Variants in FBRS observed in about 807,000 individuals in gnomAD.
FBRS encodes the protein probable fibrosin-1.
FBRS carries 15 observed loss-of-function variants against 86.1 expected under a neutral mutation model. That is an observed-to-expected ratio of 0.17 (90% CI 0.12 to 0.27). The LOEUF is 0.27. Among genes scored for constraint, FBRS ranks in the 10% least tolerant of loss-of-function variants. The pLI is 1.00. For synonymous variants in FBRS, 666 were observed against 575.8 expected (o/e 1.16, Z -2.24); for missense variants, 1,367 against 1,301.6 (o/e 1.05, Z -0.77).
Position 30,659,726 on chromosome 16 carries a change from G to C in FBRS, c.208G>C (p.Ala70Pro), listed in dbSNP as rs1165261455. Residue 70 changes from alanine to proline, a missense_variant, in exon 1 of 18, where the codon GCT becomes CCT. Ala to Pro is a conservative substitution (Grantham distance 27). Coordinates refer to ENST00000356166, the MANE Select transcript of FBRS (RefSeq NM_001105079.3). Reference protein sequence around the residue: ...PPPPARPWSSASSGERPGGPR... With the variant: ...PPPPARPWSSPSSGERPGGPR... ...GCCGCCCGCCAGGCCTTGGTCGTCA[G>C]CTTCGTCTGGAGAGCGGCCTGGGGG... The C allele has an allele frequency of 4.1e-6, 5 of 1,233,052 alleles. No individual in the cohort carries two copies. Among genetic ancestry groups the C allele is most frequent in the South Asian group, 1.4e-5 (1 of 73,846 alleles). 76.4% of individuals were successfully genotyped at this position (1,233,052 alleles called of 1,614,324 possible).
At position 30,667,383 on chromosome 16, in the gene FBRS, G is replaced by A. The variant is rs748925396; in HGVS notation, c.1939G>A (p.Ala647Thr). The change falls in exon 14 of 18, where the codon GCC (alanine) becomes ACC (threonine). Residue 647 changes from alanine (A) to threonine (T), a missense_variant. Physicochemically the swap from Ala to Thr is moderately conservative, Grantham distance 58 (BLOSUM62 0). Transcript: ENST00000356166. ...LLPCLPGPYG[A>T]LPPGQELSHP... ...GCCCTGCCTTCCGGGGCCCTATGGG[G>A]CCCTGCCCCCTGGGCAGGAGCTCTC... 8 of 1,552,848 alleles carry A rather than the reference G, an allele frequency of 5.2e-6. No homozygotes were observed. The East Asian group carries it at 1.7e-4, about 33-fold the overall frequency.
Position 30,666,984 on chromosome 16 carries a change from A to G in FBRS, c.1869A>G (p.Lys623=), listed in dbSNP as rs1341206932. The change falls in exon 13 of 18, where the codon AAA becomes AAG. Residue 623 remains lysine, a synonymous_variant. Transcript: ENST00000356166. ...ACATGATCCTGAGACACCAGGAGAAAATGAAGGTACTGGGGCCGGAGGGCT... is the reference window on the plus strand; with the variant it reads ...ACATGATCCTGAGACACCAGGAGAAGATGAAGGTACTGGGGCCGGAGGGCT... ...VAYMILRHQE[K]MKGDSHKLDF... 1.2e-6 allele frequency: 2 copies of G among 1,609,244 alleles called. No homozygotes were observed. The highest frequency in any genetic ancestry group is 2.2e-5 in the East Asian group (1 of 44,766).
intron 6 of FBRS, 143 bp downstream of exon 6, chr16:30,663,002 C>CT: frequency 7.7e-7 from 1 of 1,293,484 alleles, no homozygotes; most frequent in East Asian, 3.0e-5. Context: ...AAAGAGATGA[C>CT]TGCAGGACTT....
Position 30,665,453 on chromosome 16 carries a change from A to C in FBRS, c.1704+52A>C. 6.6e-7 allele frequency: 1 copy of C among 1,510,678 alleles called. No homozygotes were observed. The highest frequency in any genetic ancestry group is 9.0e-7 in the Non-Finnish European group (1 of 1,110,010). 93.6% of individuals were successfully genotyped at this position (1,510,678 alleles called of 1,614,324 possible). ...CCGCCTACCATCTTGACAAACCCAGACACGCCGGGTCCAAGCACCCTTCTC... is the reference window on the plus strand; with the variant it reads ...CCGCCTACCATCTTGACAAACCCAGCCACGCCGGGTCCAAGCACCCTTCTC... On this transcript the variant is annotated intron_variant, in intron 10 of 17. Coordinates refer to ENST00000356166, the MANE Select transcript of FBRS (RefSeq NM_001105079.3). This position sits in a 1 kb window ranked among gnomAD's most constrained non-coding sequence, Gnocchi z 4.1.
Position 30,660,336 on chromosome 16 carries a change from G to A in FBRS, c.533G>A (p.Gly178Asp). The A allele has an allele frequency of 2.3e-6, 3 of 1,300,464 alleles. No individual in the cohort carries two copies. Among genetic ancestry groups the A allele is most frequent in the Non-Finnish European group, 3.0e-6 (3 of 1,015,226 alleles). The allele number at this position is 1,300,464 out of a possible 1,614,324, so 80.6% of individuals were successfully genotyped here. Residue 178 changes from glycine to aspartate, a missense_variant, in exon 2 of 18, where the codon GGC (glycine) becomes GAC (aspartate). By Grantham distance (94) the Gly-to-Asp change is moderately conservative. This residue lies in a region of FBRS where 702 missense variants were observed against 598.7 expected (regional missense o/e 1.17). Coordinates refer to ENST00000356166, the MANE Select transcript of FBRS (RefSeq NM_001105079.3). ...LKHSGKRKRG[G>D]SSGATGEPGD... The stretch of plus-strand genomic sequence containing the variant: ...CATTCTGGGAAGCGGAAAAGGGGGG[G>A]CTCCAGTGGGGCCACCGGGGAGCCA...
chr16:30,664,790 G>C lies in FBRS; in HGVS notation c.1433G>C (p.Gly478Ala). 13 of 1,553,954 alleles carry C rather than the reference G, an allele frequency of 8.4e-6. No individual in the cohort carries two copies. Among genetic ancestry groups the C allele is most frequent in the Non-Finnish European group, 1.1e-5 (13 of 1,148,346 alleles). ...AQGGPEVVGA[G>A]GSARPLAFQF... ...GGTGGCCCTGAGGTGGTGGGGGCAG[G>C]GGGCTCGGCCCGGCCCCTGGCCTTC... Residue 478 changes from glycine to alanine, a missense_variant, in exon 8 of 18, where the codon GGG (glycine) becomes GCG (alanine). Around this residue, in one of 3 missense-constraint regions of FBRS, gnomAD observed 702 missense variants for 598.7 expected, o/e 1.17. Coordinates refer to ENST00000356166, the MANE Select transcript of FBRS (RefSeq NM_001105079.3).
At chr16:30,664,149 C>G in intron 6 of FBRS, 66 bp from the exon 7 acceptor site, 1 of 1,305,890 alleles carries the variant, frequency 7.7e-7, no homozygotes, top group African/African-American at 1.5e-5. Context: ...ACCCAGGCTT[C>G]TGACCCCCTC....
In FBRS at chr16:30,659,798, C is replaced by G. The variant is rs1333274990; in HGVS notation, c.280C>G (p.Arg94Gly). The change falls in exon 1 of 18, where the codon CGA becomes GGA. Residue 94 changes from arginine to glycine, a missense_variant. Transcript: ENST00000356166. ...TCCGAGACCTCGACCCCCGCGACCC[C>G]GAGCTCGGAAGCGGCCTGCCGGCTC... ...PRPRPRPPRPRARKRPAGSGS... is the reference protein window; with the variant it reads ...PRPRPRPPRPGARKRPAGSGS... 17 of 1,504,898 alleles carry G rather than the reference C, an allele frequency of 1.1e-5. No homozygotes were observed. The highest frequency in any genetic ancestry group is 1.4e-5 in the Non-Finnish European group (16 of 1,131,860). The allele number at this position is 1,504,898 out of a possible 1,614,324, so 93.2% of individuals were successfully genotyped here. A position where few individuals can be genotyped will look rare whatever the true frequency, so the allele number is the denominator to read the frequency against.
Position 30,659,881 on chromosome 16 carries a change from C to T in FBRS, c.363C>T (p.Gly121=), listed in dbSNP as rs1457051500. ...AGGAGGAGGGGGGCGCAGACGACGG[C>T]GAAGCCGAGGAGGAGCCTGAGGAGG... ...EEEEEGGADD[G]EAEEEPEEEE... The change falls in exon 1 of 18, where the codon GGC becomes GGT. Residue 121 remains glycine (G), a synonymous_variant. Transcript: ENST00000356166. 5.8e-6 allele frequency: 9 copies of T among 1,546,160 alleles called. No homozygotes were observed. Among genetic ancestry groups the T allele is most frequent in the East Asian group, 2.5e-5 (1 of 40,708 alleles).
At chr16:30,667,106 T>G in intron 13 of FBRS, 116 bp downstream of exon 13, 1 of 1,129,870 alleles carries the variant, frequency 8.9e-7, no homozygotes. Flanking sequence ...TTCTCTCCTG[T>G]CCCCCATCAC....
At chr16:30,660,151 T>C (rs2052439144) in intron 1 of FBRS, 112 bp from the exon 2 acceptor site, 1 of 1,412,946 alleles carries the variant, frequency 7.1e-7, no homozygotes, top group Non-Finnish European at 9.3e-7. Flanking sequence ...AGAGCTCGTC[T>C]CTGGGGACCC....
rs1029859555 is a variant in FBRS, at chr16:30,665,313, C to T, written c.1616C>T (p.Thr539Met). 27 of 1,561,736 alleles carry T rather than the reference C, an allele frequency of 1.7e-5. No individual in the cohort carries two copies. Among genetic ancestry groups the T allele is most frequent in the Admixed American group, 3.8e-5 (2 of 51,974 alleles). Residue 539 changes from threonine to methionine, a missense_variant, in exon 10 of 18, where the codon ACG (threonine) becomes ATG (methionine). Coordinates refer to ENST00000356166, the MANE Select transcript of FBRS (RefSeq NM_001105079.3). The surrounding 1 kb of genome is among the most constrained non-coding windows in gnomAD (Gnocchi z 4.1). ...MEGLFRHNPY[T>M]AFPPAVPGLP... The stretch of plus-strand genomic sequence containing the variant: ...TCCCCCTTCTCTCCACAGCCGTACA[C>T]GGCCTTCCCTCCCGCAGTGCCCGGG...
chr16:30,665,474 T>C lies in FBRS; in HGVS notation c.1704+73T>C. ...CCAGACACGCCGGGTCCAAGCACCC[T>C]TCTCCCATTCCCCAAAGTCGTGCCC... On this transcript the variant is annotated intron_variant, in intron 10 of 17. Coordinates refer to ENST00000356166, the MANE Select transcript of FBRS (RefSeq NM_001105079.3). This position sits in a 1 kb window ranked among gnomAD's most constrained non-coding sequence, Gnocchi z 4.1. 1 of 1,465,478 alleles carries C rather than the reference T, an allele frequency of 6.8e-7. No individual in the cohort carries two copies. Among genetic ancestry groups the C allele is most frequent in the African/African-American group, 1.4e-5 (1 of 71,378 alleles). The allele number at this position is 1,465,478 out of a possible 1,614,324, so 90.8% of individuals were successfully genotyped here. A position where few individuals can be genotyped will look rare whatever the true frequency, so the allele number is the denominator to read the frequency against.
rs1479875889 is a variant in FBRS at position 30,664,886 on chromosome 16, C to T, written c.1529C>T (p.Pro510Leu). The change falls in exon 8 of 18, where the codon CCC becomes CTC. Residue 510 changes from proline (P) to leucine (L), a missense_variant. This residue lies in a region of FBRS where 659 missense variants were observed against 678.8 expected (regional missense o/e 0.97). Coordinates refer to ENST00000356166, the MANE Select transcript of FBRS (RefSeq NM_001105079.3). The stretch of plus-strand genomic sequence containing the variant: ...ACCCACCAGCACTTCACCCCTTATC[C>T]CCCGGGCCTGCTGCCACCCCACGGC... ...QHTHQHFTPY[P>L]PGLLPPHGPH... is the part of the protein sequence containing the mutation. 1 of 1,609,574 alleles carries T rather than the reference C, an allele frequency of 6.2e-7. No individual in the cohort carries two copies. Among genetic ancestry groups the T allele is most frequent in the South Asian group, 1.1e-5 (1 of 90,270 alleles).
Position 30,664,399 on chromosome 16 carries a change from C to A in FBRS, c.1240C>A (p.Pro414Thr). The A allele has an allele frequency of 1.2e-6, 1 of 813,418 alleles. No homozygotes were observed. Among genetic ancestry groups the A allele is most frequent in the Non-Finnish European group, 1.9e-6 (1 of 536,052 alleles). 50.4% of individuals were successfully genotyped at this position (813,418 alleles called of 1,614,324 possible). Residue 414 changes from proline to threonine, a missense_variant, in exon 7 of 18, where the codon CCC (proline) becomes ACC (threonine). This residue lies in a region of FBRS where 702 missense variants were observed against 598.7 expected (regional missense o/e 1.17). Transcript: ENST00000356166. ...CAGCTTTCCCCCTCCCGGGCTGCGGCCCCCCCCACCACCCCACCACCCCTC... is the reference window on the plus strand; with the variant it reads ...CAGCTTTCCCCCTCCCGGGCTGCGGACCCCCCCACCACCCCACCACCCCTC... ...THSFPPPGLR[P>T]PPPPHHPSLF...
rs1596614266 is a variant in FBRS, at chr16:30,662,383, C to G, written c.706-37C>G. On this transcript the variant is annotated intron_variant, in intron 4 of 17. Coordinates refer to ENST00000356166, the MANE Select transcript of FBRS (RefSeq NM_001105079.3). Reference sequence around the variant, plus strand: ...CTTCCTGGGTGGAGGCCTGGCCCACCCACAACCTAACTCTATCCCTTGCCC... The same window carrying G: ...CTTCCTGGGTGGAGGCCTGGCCCACGCACAACCTAACTCTATCCCTTGCCC... 15 of 1,549,694 alleles carry G rather than the reference C, an allele frequency of 9.7e-6. No individual in the cohort carries two copies. The East Asian group carries it at 3.7e-4, about 38-fold the overall frequency.
Position 30,670,424 on chromosome 16 carries a change from G to A in FBRS, c.*779G>A. On this transcript the variant is annotated 3_prime_UTR_variant, in exon 18 of 18. Transcript: ENST00000356166. Reference sequence around the variant, plus strand: ...CTCTGCCCCCACCCCCAAAGGCTCAGCCTCTAAATCTCAGACTCCACCACC... The same window carrying A: ...CTCTGCCCCCACCCCCAAAGGCTCAACCTCTAAATCTCAGACTCCACCACC... 2.8e-6 allele frequency: 1 copy of A among 353,158 alleles called. No individual in the cohort carries two copies. Among genetic ancestry groups the A allele is most frequent in the South Asian group, 2.1e-5 (1 of 47,760 alleles). The allele number at this position is 353,158 out of a possible 1,614,324, so 21.9% of individuals were successfully genotyped here.
chr16:30,667,477 C>CTA (rs2052537472), intron 14 of FBRS, 40 bp downstream of exon 14: 2 of 1,516,552 alleles, frequency 1.3e-6, no homozygotes, highest in Admixed American at 2.2e-5. Context: ...GGTTCCCTGT[C>CTA]TATAGCCTGA....
chr16:30,662,459 A>G lies in FBRS; in HGVS notation c.745A>G (p.Thr249Ala), dbSNP rs561688024. 1.3e-5 allele frequency: 20 copies of G among 1,550,572 alleles called. No homozygotes were observed. The highest frequency in any genetic ancestry group is 6.8e-5 in the African/African-American group (5 of 73,126). ...DDLDPSFTVS[T>A]SKASGPHGAF... ...CCTCGACCCATCCTTTACTGTCTCA[A>G]CCAGCAAAGGTTGGTCCCAAGGTCT... is the stretch of plus-strand genomic sequence containing the variant. The change falls in exon 5 of 18, where the codon ACC becomes GCC. Residue 249 changes from threonine (T) to alanine (A), a missense_variant. By Grantham distance (58) the Thr-to-Ala change is moderately conservative. This residue lies in a region of FBRS where 702 missense variants were observed against 598.7 expected (regional missense o/e 1.17). Coordinates refer to ENST00000356166, the MANE Select transcript of FBRS (RefSeq NM_001105079.3).
Sources: allele counts gnomAD v4.1 joint callset, GRCh38; gene constraint gnomAD v4.1.1; regional missense constraint gnomAD v4.1.1; non-coding constraint Gnocchi (gnomAD v3.1); transcripts MANE v1.5; gene names NCBI Gene and HGNC (gene_info 2026-07-23, HGNC 2026-07-21).